CEP41: variants seen among roughly 807,000 people sequenced by gnomAD.
CEP41 encodes the protein centrosomal protein of 41 kDa.
A neutral mutation model predicts 44.3 loss-of-function variants in CEP41; 32 were observed. That is an observed-to-expected ratio of 0.72 (90% CI 0.54 to 0.97). The LOEUF (loss-of-function observed/expected upper bound fraction) is 0.97. Among genes scored for constraint, CEP41 ranks in the 50% least tolerant of loss-of-function variants. The pLI is 0.00. For missense variants in CEP41, 432 were observed against 455.2 expected (o/e 0.95, Z 0.46); for synonymous variants, 151 against 168.5 (o/e 0.90, Z 0.80).
At chr7:130,422,069 A>G (rs1797525721) in intron 2 of CEP41, 1 of 1,530,812 alleles carries the variant, frequency 6.5e-7, no homozygotes, top group African/African-American at 1.4e-5. Context: ...CCATGGCTGC[A>G]CTCAGTGTTT....
At chr7:130,402,343 C>CAAAAAAAAAAAAAAAA (rs150874127) in intron 7 of CEP41, among the ~76,000 whole-genome samples, 2 of 76,662 alleles carry the variant, frequency 2.6e-5, no homozygotes, top group African/African-American at 5.8e-5. Context: ...AAGGTATTAA[C>CAAAAAAAAAAAAAAAA]AAAAAAAAAA....
chr7:130,404,268 T>C (rs1285399132), intron 6 of CEP41, among the ~76,000 whole-genome samples: 2 of 152,142 alleles, frequency 1.3e-5, no homozygotes, highest in African/African-American at 2.4e-5. Context: ...AAGATAGTAT[T>C]TGTAAAGCTA....
rs547049121 is a variant in CEP41, at chr7:130,438,696, A to C, written c.33+2238T>G. 1.9e-4 allele frequency among the ~76,000 whole-genome samples: 29 copies of C among 152,300 alleles called. 1 individual carries two copies. The East Asian group carries it at 5.4e-3, about 28-fold the overall frequency. On this transcript the variant is annotated intron_variant, in intron 1 of 10. Coordinates refer to ENST00000223208, the MANE Select transcript of CEP41 (RefSeq NM_018718.3). The stretch of plus-strand genomic sequence containing the variant: ...GCAAATCTGACCATGTCACTCCTTT[A>C]ATAACTCAAAAAATTTCTCAAATCC...
intron 2 of CEP41, chr7:130,426,595 G>GA: frequency 6.6e-6 from 3 of 454,070 alleles, no homozygotes; most frequent in Non-Finnish European, 1.3e-5. Context: ...AGACTCCTCA[G>GA]AAAAAATACA....
chr7:130,415,032 C>T (rs923319839), intron 3 of CEP41, among the ~76,000 whole-genome samples: 1 of 152,152 alleles, frequency 6.6e-6, no homozygotes, highest in Non-Finnish European at 1.5e-5. Context: ...GTCATCTAAC[C>T]ACCAGAAACC....
intron 9 of CEP41, 55 bp downstream of exon 9, chr7:130,400,652 G>A (rs1796814320): frequency 9.8e-7 from 1 of 1,025,576 alleles, no homozygotes; most frequent in Non-Finnish European, 1.5e-6. Context: ...GGATGCAGGT[G>A]GGACTGAAGG....
chr7:130,410,513 T>A (rs1270312583), intron 5 of CEP41, among the ~76,000 whole-genome samples: 9 of 152,244 alleles, frequency 5.9e-5, no homozygotes, highest in Admixed American at 1.3e-4. Context: ...CCCTTCCTTA[T>A]TAGCTGTATC....
intron 4 of CEP41, 23 bp from the exon 5 acceptor site, chr7:130,411,214 G>C (rs1797173073): frequency 6.3e-7 from 1 of 1,590,552 alleles, no homozygotes. Flanking sequence ...AGAATGAAAT[G>C]TGTGGATGTT....
At chr7:130,421,776 C>T in intron 2 of CEP41, 1 of 1,242,488 alleles carries the variant, frequency 8.0e-7, no homozygotes. Context: ...GAGGACAATG[C>T]AGCCAATGAA....
intron 8 of CEP41, 98 bp from the exon 9 acceptor site, chr7:130,400,919 G>T: frequency 1.2e-6 from 1 of 800,376 alleles, no homozygotes; most frequent in Non-Finnish European, 2.2e-6. Context: ...ACCTGTCTGA[G>T]TTCCCGGGAA....
intron 2 of CEP41, among the ~76,000 whole-genome samples, chr7:130,425,699 A>C (rs58418824): frequency 0.062 from 9,376 of 152,332 alleles, 392 homozygotes; most frequent in African/African-American, 0.12. Flanking sequence ...AAATATGTGC[A>C]TAAGTGTTTA....
intron 2 of CEP41, chr7:130,426,776 C>A: frequency 2.5e-6 from 1 of 395,420 alleles, no homozygotes. Flanking sequence ...AACAGTACAC[C>A]AGACTTGGCA....
At chr7:130,406,798 C>T (rs1354285825) in intron 5 of CEP41, among the ~76,000 whole-genome samples, 1 of 151,252 alleles carries the variant, frequency 6.6e-6, no homozygotes, top group Non-Finnish European at 1.5e-5. Flanking sequence ...ACAGTAACAA[C>T]TGCAGCTATA....
intron 5 of CEP41, among the ~76,000 whole-genome samples, chr7:130,409,169 T>C (rs578128089): frequency 1.7e-4 from 26 of 152,352 alleles, no homozygotes; most frequent in African/African-American, 5.8e-4. Context: ...CCTTCAAAGA[T>C]AGCCAATATG....
rs946114434 is a variant in CEP41 at position 130,418,819 on chromosome 7, C to T, written c.98-1853G>A. On this transcript the variant is annotated intron_variant, in intron 2 of 10. Transcript: ENST00000223208. The stretch of plus-strand genomic sequence containing the variant: ...TGGGGATCATCTTGTGTTGTAAATT[C>T]CCTGAAGAATGGAAAACACTAGCCA... Among the ~76,000 whole-genome samples the T allele has an allele frequency of 1.0e-3, 155 of 152,210 alleles. 2 individuals are homozygous for T. Among genetic ancestry groups the T allele is most frequent in the Non-Finnish European group, 5.1e-4 (35 of 68,016 alleles).
chr7:130,413,518 T>C (rs1361094160), intron 3 of CEP41, among the ~76,000 whole-genome samples: 5 of 151,684 alleles, frequency 3.3e-5, no homozygotes, highest in East Asian at 1.9e-4. Flanking sequence ...GAGGTGGAGA[T>C]TGCAGTGAGC....
intron 5 of CEP41, among the ~76,000 whole-genome samples, chr7:130,408,407 A>G (rs567245475): frequency 6.6e-6 from 1 of 152,358 alleles, no homozygotes; most frequent in African/African-American, 2.4e-5. Flanking sequence ...AAAAAGATGA[A>G]CATCCTATTA....
Position 130,400,103 on chromosome 7 carries a change from G to T in CEP41, c.909C>A (p.Thr303=), listed in dbSNP as rs1174761764. The T allele has an allele frequency of 6.2e-7, 1 of 1,613,560 alleles. No homozygotes were observed. Among genetic ancestry groups the T allele is most frequent in the Admixed American group, 1.7e-5 (1 of 60,010 alleles). ...ATTCTATCTTTTTTAAGTCTTCTGG[G>T]GTAAATCTCCATTTATTCTCAGCTG... ...PLPAENKWRF[T]PEDLKKIEYY... is the part of the protein sequence containing the mutation. The change falls in exon 10 of 11, where the codon ACC becomes ACA. Residue 303 remains threonine (T), a synonymous_variant. Transcript: ENST00000223208.
At chr7:130,409,686 G>C (rs1554418977) in intron 5 of CEP41, among the ~76,000 whole-genome samples, 1 of 152,164 alleles carries the variant, frequency 6.6e-6, no homozygotes, top group Non-Finnish European at 1.5e-5. Flanking sequence ...GCCACACACT[G>C]ATTGCTGGGT....
Sources: gnomAD v4.1 joint callset for allele counts (sites outside exome capture counted in the v4.1 genomes callset) on GRCh38, gnomAD v4.1.1 for gene constraint, MANE v1.5 for transcripts, NCBI Gene and HGNC (gene_info 2026-07-23, HGNC 2026-07-21) for gene names.